Variants in CEP128 observed in about 807,000 individuals in gnomAD.
CEP128 encodes centrosomal protein 128kDa.
Under a neutral mutation model 156.7 loss-of-function variants are expected in CEP128, and 132 were observed. The observed-to-expected ratio is 0.84, with a 90% CI of 0.73 to 0.97. The LOEUF (loss-of-function observed/expected upper bound fraction) is 0.97, where lower values mean the gene tolerates loss of function less well. Ranked by LOEUF, CEP128 falls within the 50% of genes least tolerant of loss-of-function variation. CEP128 has a pLI of 0.00. For synonymous variants in CEP128, 469 were observed against 448.9 expected (o/e 1.04, Z -0.57); for missense variants, 1,252 against 1,281.9 (o/e 0.98, Z 0.36).
At chr14:80,751,099 C>A (rs536521581) in intron 18 of CEP128, among the ~76,000 whole-genome samples, 2 of 152,314 alleles carry the variant, frequency 1.3e-5, no homozygotes, top group East Asian at 3.9e-4. Flanking sequence ...GCACCTTGAT[C>A]TTGAACTTAC....
At chr14:80,765,938 G>A (rs933977720) in intron 16 of CEP128, among the ~76,000 whole-genome samples, 3 of 152,158 alleles carry the variant, frequency 2.0e-5, no homozygotes, top group African/African-American at 4.8e-5. Context: ...GAAAAATTCA[G>A]AAAAGTTTTC....
intron 19 of CEP128, among the ~76,000 whole-genome samples, chr14:80,652,846 C>A (rs1471211271): frequency 6.6e-6 from 1 of 152,136 alleles, no homozygotes; most frequent in Non-Finnish European, 1.5e-5. Flanking sequence ...TGGGTATAAA[C>A]CCAAAGGATT....
chr14:80,711,799 T>G (rs1019709454), intron 19 of CEP128, among the ~76,000 whole-genome samples: 1 of 152,252 alleles, frequency 6.6e-6, no homozygotes, highest in South Asian at 2.1e-4. Flanking sequence ...ATTATATGCT[T>G]GTATCAAAGT....
At chr14:80,957,108 G>A (rs1886736173) in intron 2 of CEP128, among the ~76,000 whole-genome samples, 1 of 152,052 alleles carries the variant, frequency 6.6e-6, no homozygotes, top group African/African-American at 2.4e-5. Flanking sequence ...CTTCCCCAAA[G>A]GTCCCTGCTG....
downstream of CEP128, among the ~76,000 whole-genome samples, chr14:80,486,064 G>A (rs1415353666): frequency 6.6e-6 from 1 of 152,134 alleles, no homozygotes; most frequent in African/African-American, 2.4e-5. Context: ...GTTGCAATTA[G>A]CTAGAAGGGT....
At chr14:80,498,475 A>G (rs1887592307) in intron 24 of CEP128, among the ~76,000 whole-genome samples, 1 of 152,076 alleles carries the variant, frequency 6.6e-6, no homozygotes, top group Admixed American at 6.6e-5. Context: ...CTGTGGCTGC[A>G]CCCTCTCACT....
At chr14:80,557,817 AT>A (rs931975674) in intron 21 of CEP128, among the ~76,000 whole-genome samples, 4 of 151,950 alleles carry the variant, frequency 2.6e-5, no homozygotes, top group Admixed American at 6.6e-5. Context: ...TTATCTAAAG[AT>A]TTTTTTCCTG....
chr14:80,952,730 A>G (rs1273432984), intron 2 of CEP128, among the ~76,000 whole-genome samples: 1 of 152,186 alleles, frequency 6.6e-6, no homozygotes, highest in African/African-American at 2.4e-5. Context: ...TTCTTTGAGA[A>G]TATGAATAAA....
In CEP128 at chr14:80,784,928, C is replaced by A; in HGVS notation, c.2178G>T (p.Lys726Asn). The A allele has an allele frequency of 6.2e-7, 1 of 1,613,398 alleles. No individual in the cohort carries two copies. Among genetic ancestry groups the A allele is most frequent in the Non-Finnish European group, 8.5e-7 (1 of 1,179,666 alleles). Residue 726 changes from lysine to asparagine, a missense_variant, in exon 15 of 25, where the codon AAG (lysine) becomes AAT (asparagine). By Grantham distance (94) the Lys-to-Asn change is moderately conservative (BLOSUM62 0). Transcript: ENST00000555265. ...TCCTGATATGATTCTCAGCCTCACT[C>A]TTTTCTTTCTTAAAGTGCTTCATAA... The part of the protein sequence containing the change: ...QELMKHFKKE[K>N]SEAENHIRTL...
At chr14:80,569,271 G>A (rs1156966762) in intron 20 of CEP128, among the ~76,000 whole-genome samples, 2 of 151,968 alleles carry the variant, frequency 1.3e-5, no homozygotes, top group Non-Finnish European at 2.9e-5. Context: ...CAAATTTCAG[G>A]GACATTATTA....
intron 2 of CEP128, among the ~76,000 whole-genome samples, chr14:80,938,243 G>GTTT (rs1326995537): frequency 4.0e-4 from 37 of 91,450 alleles, no homozygotes; most frequent in Admixed American, 1.8e-3. Context: ...CACAGTGTTA[G>GTTT]TATTTTTTTT....
chr14:80,611,283 T>C lies in CEP128; in HGVS notation c.2807-30860A>G, dbSNP rs920049265. Among the ~76,000 whole-genome samples, 7 of 150,598 alleles carry C rather than the reference T, an allele frequency of 4.6e-5. No homozygotes were observed. In the East Asian group the frequency reaches 1.4e-3, roughly 29 times the overall value. ...AAGAACCTTACATTGCCATGAATTATTAAAGAAAAAAAAAAGCAAACTAGA... is the reference window on the plus strand; with the variant it reads ...AAGAACCTTACATTGCCATGAATTACTAAAGAAAAAAAAAAGCAAACTAGA... On this transcript the variant is annotated intron_variant, in intron 19 of 24. Coordinates refer to ENST00000555265, the MANE Select transcript of CEP128 (RefSeq NM_152446.5).
At chr14:80,855,180 G>C (rs1196314066) in intron 9 of CEP128, among the ~76,000 whole-genome samples, 1 of 152,120 alleles carries the variant, frequency 6.6e-6, no homozygotes, top group East Asian at 1.9e-4. Context: ...GTCCTGTTGT[G>C]ATAGTGCTTT....
At chr14:80,829,530 C>T (rs929580250) in intron 13 of CEP128, among the ~76,000 whole-genome samples, 30 of 152,188 alleles carry the variant, frequency 2.0e-4, no homozygotes, top group African/African-American at 7.2e-4. Context: ...TCACCTCATC[C>T]TCTTGAGTAG....
intron 19 of CEP128, among the ~76,000 whole-genome samples, chr14:80,648,405 T>C (rs976329005): frequency 6.6e-6 from 1 of 152,168 alleles, no homozygotes; most frequent in Non-Finnish European, 1.5e-5. Context: ...AATCATAGCC[T>C]AAACTATGGT....
intron 19 of CEP128, among the ~76,000 whole-genome samples, chr14:80,642,743 T>A (rs1174755400): frequency 2.6e-5 from 4 of 151,870 alleles, no homozygotes; most frequent in African/African-American, 9.7e-5. Flanking sequence ...TAAAAAGTTA[T>A]TAGAAAACTT....
At chr14:80,667,214 A>G (rs1895652664) in intron 19 of CEP128, among the ~76,000 whole-genome samples, 2 of 152,226 alleles carry the variant, frequency 1.3e-5, no homozygotes, top group South Asian at 2.1e-4. Context: ...GGGTACAGAC[A>G]TTAGAAGGCA....
chr14:80,649,663 A>G (rs1894810980), intron 19 of CEP128, among the ~76,000 whole-genome samples: 1 of 152,126 alleles, frequency 6.6e-6, no homozygotes, highest in Non-Finnish European at 1.5e-5. Context: ...CTGCATTTTA[A>G]GAAGTCCCCC....
At chr14:80,777,764 A>C (rs1167440380) in intron 16 of CEP128, 118 bp downstream of exon 16, 9 of 758,890 alleles carry the variant, frequency 1.2e-5, no homozygotes, top group Non-Finnish European at 1.8e-5. Context: ...TTTGGGGGGC[A>C]CCAATACAAC....
Sources: allele counts gnomAD v4.1 joint callset (sites outside exome capture counted in the v4.1 genomes callset), GRCh38; gene constraint gnomAD v4.1.1; transcripts MANE v1.5; gene names NCBI Gene and HGNC (gene_info 2026-07-23, HGNC 2026-07-21).